CARS2: variants seen among roughly 807,000 people sequenced by gnomAD.
CARS2 encodes cysteinyl-tRNA synthetase 2, mitochondrial.
CARS2 carries 52 observed loss-of-function variants against 68.8 expected under a neutral mutation model. The observed-to-expected ratio is 0.76, with a 90% CI of 0.61 to 0.95. CARS2 has a LOEUF of 0.95. CARS2 is among the 40% of genes least tolerant of loss of function. The pLI is 0.00. For synonymous variants in CARS2, 314 were observed against 303.6 expected, an observed-to-expected ratio of 1.03 and a Z score of -0.36; for missense variants, 780 against 754.2, an observed-to-expected ratio of 1.03 and a Z score of -0.40.
At chr13:110,643,691 C>T (rs1887705390) in intron 13 of CARS2, 1 of 159,926 alleles carries the variant, frequency 6.3e-6, no homozygotes, top group South Asian at 1.7e-4. Context: ...TTCAGGGACA[C>T]AGCGCCAGCC....
chr13:110,644,276 A>G, intron 13 of CARS2, 109 bp downstream of exon 13: 1 of 1,343,402 alleles, frequency 7.4e-7, no homozygotes, highest in Non-Finnish European at 1.0e-6. Context: ...AAACAGGTAA[A>G]TACATTAGTG....
At chr13:110,711,340 A>G (rs976486740), upstream of CARS2, among the ~76,000 whole-genome samples, 3 of 152,046 alleles carry the variant, frequency 2.0e-5, no homozygotes, top group Non-Finnish European at 2.9e-5. Context: ...AGCCTCCCCA[A>G]TAGCTGGGAC....
intron 7 of CARS2, among the ~76,000 whole-genome samples, chr13:110,675,817 G>A (rs1187872987): frequency 3.9e-5 from 6 of 152,206 alleles, no homozygotes; most frequent in African/African-American, 1.4e-4. Flanking sequence ...TGGGTACCCT[G>A]CTGCCTGCAG....
chr13:110,642,934 A>T (rs955692264), intron 13 of CARS2: 4 of 393,266 alleles, frequency 1.0e-5, no homozygotes, highest in Non-Finnish European at 2.0e-5. Context: ...AAATGGTCTG[A>T]GATTCACAGC....
intron 7 of CARS2, among the ~76,000 whole-genome samples, chr13:110,669,343 T>C (rs1423311038): frequency 6.6e-6 from 1 of 151,970 alleles, no homozygotes; most frequent in Non-Finnish European, 1.5e-5. Flanking sequence ...GGGAGATAAT[T>C]ATCTCCACCC....
chr13:110,656,487 G>T (rs2062369751), intron 9 of CARS2, among the ~76,000 whole-genome samples: 1 of 152,188 alleles, frequency 6.6e-6, no homozygotes, highest in Non-Finnish European at 1.5e-5. Flanking sequence ...CAGAATAGGT[G>T]AATCACAGAA....
Position 110,677,086 on chromosome 13 carries a change from G to A in CARS2, c.673C>T (p.His225Tyr), listed in dbSNP as rs2062973749. ...VGEPADSDKR[H>Y]ASDFALWKAA... The stretch of plus-strand genomic sequence containing the variant: ...TTCCACAGGGCGAAGTCACTGGCAT[G>A]ACGCTTGTCAGAGTCCGCTGCAGAT... Residue 225 changes from histidine (H) to tyrosine (Y), a missense_variant, in exon 7 of 15, where the codon CAT becomes TAT. Coordinates refer to ENST00000257347, the MANE Select transcript of CARS2 (RefSeq NM_024537.4). 1.2e-6 allele frequency: 2 copies of A among 1,608,308 alleles called. No homozygotes were observed. Among genetic ancestry groups the A allele is most frequent in the Non-Finnish European group, 1.7e-6 (2 of 1,176,008 alleles).
chr13:110,701,438 C>A lies in CARS2; in HGVS notation c.393G>T (p.Glu131Asp). 4 of 1,277,990 alleles carry A rather than the reference C, an allele frequency of 3.1e-6. No homozygotes were observed. Among genetic ancestry groups the A allele is most frequent in the Non-Finnish European group, 4.6e-6 (4 of 873,324 alleles). 79.2% of individuals were successfully genotyped at this position (1,277,990 alleles called of 1,614,324 possible). The change falls in exon 3 of 15, where the codon GAG (glutamate) becomes GAT (aspartate). Residue 131 changes from glutamate (E) to aspartate (D), a missense_variant and splice_region_variant. By Grantham distance (45) the Glu-to-Asp change is conservative. Coordinates refer to ENST00000257347, the MANE Select transcript of CARS2 (RefSeq NM_024537.4). ...ATAGATGTAACTCTTCTCCACTTAC[C>A]TCATTGGCTCTTTTGATGATTTTAT... ...VDDKIIKRAN[E>D]MNISPASLAS...
In CARS2 at chr13:110,687,692, GAAA is replaced by G. The variant is rs552751411; in HGVS notation, c.571+26_571+28del. 1.8e-5 allele frequency: 17 copies of G among 932,516 alleles called. No individual in the cohort carries two copies. In the African/African-American group the frequency reaches 2.2e-4, roughly 12 times the overall value. 57.8% of individuals were successfully genotyped at this position (932,516 alleles called of 1,614,324 possible). A position where few individuals can be genotyped will look rare whatever the true frequency, so the allele number is the denominator to read the frequency against. On this transcript the variant is annotated intron_variant, in intron 5 of 14. Transcript: ENST00000257347. ...AAACTCTGTCTCAAAAAAAAAAAAA[GAAA>G]AAAAAAAAAAGAACATAAACCCTAC...
Position 110,642,416 on chromosome 13 carries a change from T to A in CARS2, c.1522A>T (p.Thr508Ser). The change falls in exon 14 of 15, where the codon ACG (threonine) becomes TCG (serine). Residue 508 changes from threonine to serine, a missense_variant. Transcript: ENST00000257347. ...AGCTGCTGCCGCCGGGCGTCCCCCG[T>A]GGCCTCGGGCATGGCCAGCGCAAAC... ...RQFALAMPEA[T>S]GDARRQQLLE... 6.3e-7 allele frequency: 1 copy of A among 1,595,264 alleles called. No individual in the cohort carries two copies. Among genetic ancestry groups the A allele is most frequent in the Non-Finnish European group, 8.5e-7 (1 of 1,171,104 alleles).
At chr13:110,672,372 A>T (rs1057192437) in intron 7 of CARS2, among the ~76,000 whole-genome samples, 1 of 152,244 alleles carries the variant, frequency 6.6e-6, no homozygotes, top group African/African-American at 2.4e-5. Flanking sequence ...TGTCTCTCAG[A>T]CCACAGTGCA....
At chr13:110,692,003 A>AATAT (rs71127965) in intron 3 of CARS2, among the ~76,000 whole-genome samples, 90 of 91,534 alleles carry the variant, frequency 9.8e-4, no homozygotes, top group East Asian at 1.5e-3. Context: ...AAAAAAAAAA[A>AATAT]ATATATATAT....
chr13:110,656,355 GAAAC>G (rs1463800431), intron 9 of CARS2, among the ~76,000 whole-genome samples: 1 of 152,114 alleles, frequency 6.6e-6, no homozygotes, highest in Non-Finnish European at 1.5e-5. Flanking sequence ...CACCACACTG[GAAAC>G]AAACAGAACA....
chr13:110,689,576 C>G (rs941104513), intron 3 of CARS2, among the ~76,000 whole-genome samples: 1 of 152,206 alleles, frequency 6.6e-6, no homozygotes, highest in Admixed American at 6.5e-5. Context: ...ATAATCAAAC[C>G]TCTTGGCCTT....
At chr13:110,698,161 G>C (rs900743147) in intron 3 of CARS2, among the ~76,000 whole-genome samples, 2 of 152,114 alleles carry the variant, frequency 1.3e-5, no homozygotes, top group African/African-American at 4.8e-5. Context: ...CACAATGACA[G>C]ACAAATGCTA....
At chr13:110,692,053 T>C (rs1175485602) in intron 3 of CARS2, among the ~76,000 whole-genome samples, 1 of 133,806 alleles carries the variant, frequency 7.5e-6, no homozygotes, top group South Asian at 2.3e-4. Flanking sequence ...TATATACACA[T>C]ATACATATAT....
rs1380670527 is a variant in CARS2, at chr13:110,653,816, T to C, written c.988-2716A>G. On this transcript the variant is annotated intron_variant, in intron 9 of 14. Coordinates refer to ENST00000257347, the MANE Select transcript of CARS2 (RefSeq NM_024537.4). The surrounding 1 kb of genome is among the most constrained non-coding windows in gnomAD (Gnocchi z 5.6). ...TCTTCATTACACAGTATTCTGACAA[T>C]GATGTGAAAACTCTTGAATACTGTG... Among the ~76,000 whole-genome samples the C allele has an allele frequency of 2.0e-5, 3 of 152,194 alleles. No individual in the cohort carries two copies. Among genetic ancestry groups the C allele is most frequent in the Non-Finnish European group, 4.4e-5 (3 of 68,020 alleles).
intron 8 of CARS2, chr13:110,664,696 T>C (rs1322068681): frequency 2.1e-6 from 2 of 947,002 alleles, no homozygotes; most frequent in Non-Finnish European, 2.5e-6. Flanking sequence ...AATGTTTATG[T>C]CCTCCCAAAT....
At position 110,701,602 on chromosome 13, in the gene CARS2, A is replaced by G. The variant is rs114897295; in HGVS notation, c.276-47T>C. 5.9e-4 allele frequency: 510 copies of G among 864,410 alleles called. 4 individuals carry two copies. The African/African-American group carries it at 8.0e-3, about 14-fold the overall frequency. 53.5% of individuals were successfully genotyped at this position (864,410 alleles called of 1,614,324 possible). A position where few individuals can be genotyped will look rare whatever the true frequency, so the allele number is the denominator to read the frequency against. ...GATGTCTTTATTACACAAAGTCATC[A>G]GTTATCTTTGTAAAAAATCCATTAC... is the stretch of plus-strand genomic sequence containing the variant. On this transcript the variant is annotated intron_variant, in intron 2 of 14. Transcript: ENST00000257347.
Sources: allele counts gnomAD v4.1 joint callset (sites outside exome capture counted in the v4.1 genomes callset), GRCh38; gene constraint gnomAD v4.1.1; non-coding constraint Gnocchi (gnomAD v3.1); transcripts MANE v1.5; gene names NCBI Gene and HGNC (gene_info 2026-07-23, HGNC 2026-07-21).